Variants in BNIP5 observed in about 807,000 individuals in gnomAD.
BNIP5 encodes the protein BCL2 interacting protein 5.
In BNIP5, 61 loss-of-function variants were observed where a neutral mutation model predicts 67.3. The ratio of observed to expected loss-of-function variants is 0.91; its 90% CI spans 0.74 to 1.12. The LOEUF is 1.12. Among genes scored for constraint, BNIP5 ranks in the 50% most tolerant of loss-of-function variants. The pLI is 0.00. For synonymous variants in BNIP5, 317 were observed against 319.0 expected (o/e 0.99, Z 0.07); for missense variants, 826 against 816.3 (o/e 1.01, Z -0.14).
intron 8 of BNIP5, 66 bp downstream of exon 8, chr6:36,323,227 C>G (rs1771674539): frequency 1.1e-5 from 17 of 1,599,864 alleles, no homozygotes; most frequent in Non-Finnish European, 1.5e-5. Context: ...CAACGACAGA[C>G]AGGCCACACA....
chr6:36,330,325 C>A lies in BNIP5; in HGVS notation c.366G>T (p.Arg122Ser), dbSNP rs1488302102. 3 of 1,614,100 alleles carry A rather than the reference C, an allele frequency of 1.9e-6. No homozygotes were observed. The highest frequency in any genetic ancestry group is 2.5e-6 in the Non-Finnish European group (3 of 1,180,046). ...GGGAGATACCCTCCTTCCCCCTTGG[C>A]CTCCTGCTGGCCTTTTCTCTGGGCT... ...PEEPREKASR[R>S]PRGKEGISQH... The change falls in exon 2 of 12, where the codon AGG becomes AGT. Residue 122 changes from arginine (R) to serine (S), a missense_variant. Arg to Ser is a moderately radical substitution (Grantham distance 110). Coordinates refer to ENST00000437635, the MANE Select transcript of BNIP5 (RefSeq NM_001010903.5).
intron 6 of BNIP5, among the ~76,000 whole-genome samples, chr6:36,324,400 C>G (rs1341804275): frequency 3.3e-5 from 5 of 150,372 alleles, no homozygotes; most frequent in African/African-American, 1.2e-4. Context: ...AGGAGGAGGC[C>G]CCTCAGGGCC....
chr6:36,334,868 G>A (rs989383630), intron 1 of BNIP5, among the ~76,000 whole-genome samples: 2 of 152,106 alleles, frequency 1.3e-5, no homozygotes, highest in African/African-American at 4.8e-5. Flanking sequence ...GACCACCAGG[G>A]AATCCCACCC....
At position 36,328,448 on chromosome 6, in the gene BNIP5, G is replaced by T. The variant is rs146520359; in HGVS notation, c.727+150C>A. The T allele has an allele frequency of 9.9e-4, 546 of 550,948 alleles. 10 individuals carry two copies. In the South Asian group the frequency reaches 9.9e-3, roughly 10 times the overall value. The allele number at this position is 550,948 out of a possible 1,614,324, so 34.1% of individuals were successfully genotyped here. On this transcript the variant is annotated intron_variant, in intron 3 of 11. Coordinates refer to ENST00000437635, the MANE Select transcript of BNIP5 (RefSeq NM_001010903.5). ...TGAAATTCTAAAATAAGCAAACGTG[G>T]CCAGAAGCACCAAAAGAGGCAAGAA...
chr6:36,317,476 C>G, intron 11 of BNIP5, 85 bp from the exon 12 acceptor site: 1 of 1,148,886 alleles, frequency 8.7e-7, no homozygotes, highest in Admixed American at 1.7e-5. Context: ...TCCCATTATC[C>G]CATTGACACC....
At chr6:36,324,573 TA>T (rs1459529456) in intron 6 of BNIP5, among the ~76,000 whole-genome samples, 1 of 59,812 alleles carries the variant, frequency 1.7e-5, no homozygotes, top group Non-Finnish European at 3.0e-5. Flanking sequence ...CTGACGGTGA[TA>T]TTATATATAT....
chr6:36,322,405 T>C lies in BNIP5; in HGVS notation c.1509A>G (p.Ala503=), dbSNP rs781126343. 49 of 1,613,944 alleles carry C rather than the reference T, an allele frequency of 3.0e-5. No individual in the cohort carries two copies. Among genetic ancestry groups the C allele is most frequent in the Non-Finnish European group, 4.1e-5 (48 of 1,179,970 alleles). The change falls in exon 9 of 12, where the codon GCA becomes GCG. Residue 503 remains alanine (A), a synonymous_variant. Coordinates refer to ENST00000437635, the MANE Select transcript of BNIP5 (RefSeq NM_001010903.5). ...EDLECREPLP[A]EGEPVVISEA... is the part of the protein sequence containing the mutation. ...CTGAGATCACAACTGGCTCCCCTTC[T>C]GCGGGCAGGGGCTCCCGGCACTCGA...
chr6:36,331,850 A>G (rs1771914014), intron 1 of BNIP5, among the ~76,000 whole-genome samples: 1 of 151,762 alleles, frequency 6.6e-6, no homozygotes, highest in Admixed American at 6.6e-5. Flanking sequence ...TTACCCCCAC[A>G]TCGACCCATC....
Position 36,334,884 on chromosome 6 carries a change from A to G in BNIP5, c.-5+1828T>C, listed in dbSNP as rs569100455. ...ACCACCAGGGAATCCCACCCTGTGC[A>G]GACTGTGCTCCAGACCAGGAATCCT... On this transcript the variant is annotated intron_variant, in intron 1 of 11. Coordinates refer to ENST00000437635, the MANE Select transcript of BNIP5 (RefSeq NM_001010903.5). Among the ~76,000 whole-genome samples the G allele has an allele frequency of 3.3e-5, 5 of 152,302 alleles. No homozygotes were observed. The South Asian group carries it at 1.0e-3, about 32-fold the overall frequency.
At chr6:36,319,698 C>A in intron 10 of BNIP5, 88 bp from the exon 11 acceptor site, 3 of 1,477,296 alleles carry the variant, frequency 2.0e-6, no homozygotes, top group South Asian at 1.3e-5. Context: ...TGCAGCCAGG[C>A]GGGGCACTCC....
At position 36,323,524 on chromosome 6, in the gene BNIP5, C is replaced by T; in HGVS notation, c.1240G>A (p.Val414Ile). Residue 414 changes from valine to isoleucine, a missense_variant, in exon 8 of 12, where the codon GTC (valine) becomes ATC (isoleucine). Transcript: ENST00000437635. ...TCTACACCCACCTCTTCCTGCTGGA[C>T]TTGAGGTTGCTGTGGGGGAGATGAG... The part of the protein sequence containing the change: ...EEQQGEEQPQ[V>I]QQEEVGVENP... 1.2e-6 allele frequency: 2 copies of T among 1,614,084 alleles called. No homozygotes were observed. Among genetic ancestry groups the T allele is most frequent in the Non-Finnish European group, 1.7e-6 (2 of 1,180,022 alleles).
Position 36,323,564 on chromosome 6 carries a change from G to A in BNIP5, c.1231-31C>T, listed in dbSNP as rs369947574. 2.5e-6 allele frequency: 4 copies of A among 1,612,656 alleles called. No homozygotes were observed. The African/African-American group carries it at 5.3e-5, about 22-fold the overall frequency. The stretch of plus-strand genomic sequence containing the variant: ...GGGGAGATGAGAGAAACTGAGTCAG[G>A]GCCCCTGACCTTGAGGAGATCTCAG... On this transcript the variant is annotated intron_variant, in intron 7 of 11. Transcript: ENST00000437635.
intron 1 of BNIP5, among the ~76,000 whole-genome samples, chr6:36,335,377 G>T (rs1268699921): frequency 6.6e-6 from 1 of 152,196 alleles, no homozygotes; most frequent in African/African-American, 2.4e-5. Context: ...GAGGGACAGA[G>T]TGTGTGGCAC....
At chr6:36,323,992 T>G in intron 7 of BNIP5, 137 bp downstream of exon 7, 2 of 667,726 alleles carry the variant, frequency 3.0e-6, no homozygotes, top group Non-Finnish European at 5.2e-6. Flanking sequence ...AGAGCAAGAC[T>G]CCGTCTCCAA....
Position 36,330,215 on chromosome 6 carries a change from T to C in BNIP5, c.476A>G (p.Gln159Arg). The C allele has an allele frequency of 6.2e-7, 1 of 1,614,130 alleles. No homozygotes were observed. Among genetic ancestry groups the C allele is most frequent in the Non-Finnish European group, 8.5e-7 (1 of 1,180,010 alleles). ...CTCGGCCGCGTGTTTCTTGTGACCT[T>C]GCTTCTTGCGGCTGGGCTTCTTGTC... Reference protein sequence around the residue: ...HHDKKPSRKKQGHKKHAAEVT... With the variant: ...HHDKKPSRKKRGHKKHAAEVT... Residue 159 changes from glutamine to arginine, a missense_variant, in exon 2 of 12, where the codon CAA (glutamine) becomes CGA (arginine). Coordinates refer to ENST00000437635, the MANE Select transcript of BNIP5 (RefSeq NM_001010903.5).
rs747868798 is a variant in BNIP5 at position 36,319,576 on chromosome 6, T to TA, written c.1702dup (p.Tyr568LeufsTer24). On this transcript the variant is annotated frameshift_variant, in exon 11 of 12. Transcript: ENST00000437635. LOFTEE classifies it high-confidence loss of function. ...GCTGAGGGAGGAGTCCGAGAACTCG[T>TA]AAAAAAACCTCTTAAAGCTGGGGTG... The TA allele has an allele frequency of 1.6e-5, 26 of 1,613,062 alleles. No individual in the cohort carries two copies. In the East Asian group the frequency reaches 5.1e-4, roughly 32 times the overall value.
Position 36,323,234 on chromosome 6 carries a change from C to T in BNIP5, c.1471+59G>A, listed in dbSNP as rs1002085724. Reference sequence around the variant, plus strand: ...CAGCCTGTCAACGACAGACAGGCCACACAGCAGCCTTGCCCAAGAGGAAGC... The same window carrying T: ...CAGCCTGTCAACGACAGACAGGCCATACAGCAGCCTTGCCCAAGAGGAAGC... On this transcript the variant is annotated intron_variant, in intron 8 of 11. Transcript: ENST00000437635. The T allele has an allele frequency of 3.7e-6, 6 of 1,606,434 alleles. No homozygotes were observed. The Admixed American group carries it at 6.7e-5, about 18-fold the overall frequency.
intron 3 of BNIP5, 136 bp from the exon 4 acceptor site, chr6:36,327,230 G>C (rs747509320): frequency 5.2e-6 from 4 of 766,800 alleles, no homozygotes; most frequent in Non-Finnish European, 6.4e-6. Flanking sequence ...CCCAGGGGCA[G>C]GTTCTTCTGA....
Position 36,323,452 on chromosome 6 carries a change from T to C in BNIP5, c.1312A>G (p.Ser438Gly), listed in dbSNP as rs201649225. 3 of 1,614,258 alleles carry C rather than the reference T, an allele frequency of 1.9e-6. No homozygotes were observed. The highest frequency in any genetic ancestry group is 1.6e-4 in the Middle Eastern group (1 of 6,062). ...CRRKSQEKRS[S>G]FRRAFYHKKH... is the part of the protein sequence containing the mutation. ...TTATGGTAAAACGCTCTCCTGAAGC[T>C]CGACCTTTTTTCTTGAGATTTCCTT... The change falls in exon 8 of 12, where the codon AGC becomes GGC. Residue 438 changes from serine (S) to glycine (G), a missense_variant. Ser to Gly is a moderately conservative substitution (Grantham distance 56). Coordinates refer to ENST00000437635, the MANE Select transcript of BNIP5 (RefSeq NM_001010903.5).
Sources: allele counts gnomAD v4.1 joint callset (sites outside exome capture counted in the v4.1 genomes callset), GRCh38; gene constraint gnomAD v4.1.1; transcripts MANE v1.5; gene names NCBI Gene and HGNC (gene_info 2026-07-23, HGNC 2026-07-21).